The following RAB38 variants were observed in gnomAD, a reference collection of about 807,000 sequenced individuals.
RAB38 encodes the protein ras-related protein Rab-38.
In RAB38, 15 loss-of-function variants were observed where a neutral mutation model predicts 18.4. The ratio of observed to expected loss-of-function variants is 0.82; its 90% confidence interval spans 0.55 to 1.26. The LOEUF (loss-of-function observed/expected upper bound fraction) is 1.26. Ranked by LOEUF, RAB38 falls within the 50% of genes most tolerant of loss-of-function variation. The pLI is 0.00. For missense variants in RAB38, 294 were observed against 267.4 expected, an observed-to-expected ratio of 1.10 and a Z score of -0.69; for synonymous variants, 101 against 104.4, an observed-to-expected ratio of 0.97 and a Z score of 0.20.
the RAB38 span, among the ~76,000 whole-genome samples, chr11:87,876,426 C>T: frequency 6.6e-6 from 1 of 151,540 alleles, no homozygotes; most frequent in Non-Finnish European, 1.5e-5. Context: ...CTTTCTTTCT[C>T]CCCCAATAAA....
chr11:88,102,431 A>G, the RAB38 span, among the ~76,000 whole-genome samples: 1 of 152,004 alleles, frequency 6.6e-6, no homozygotes, highest in East Asian at 1.9e-4. Context: ...CCAAAGGAAT[A>G]TGGGCAATAC....
chr11:88,170,925 A>G (rs748767477), intron 1 of RAB38, among the ~76,000 whole-genome samples: 3 of 152,184 alleles, frequency 2.0e-5, no homozygotes, highest in Non-Finnish European at 4.4e-5. Flanking sequence ...AAGTAAGCTG[A>G]AGCTAAACAG....
chr11:87,976,855 T>G, the RAB38 span, among the ~76,000 whole-genome samples: 1,064 of 71,226 alleles, frequency 0.015, 111 homozygotes, highest in African/African-American at 0.032. Context: ...TGTTATATAA[T>G]GTATTATATA....
the RAB38 span, among the ~76,000 whole-genome samples, chr11:88,074,088 A>T: frequency 6.6e-6 from 1 of 152,038 alleles, no homozygotes; most frequent in African/African-American, 2.4e-5. Context: ...TTTAAGAGAG[A>T]GTTGAGCAAG....
chr11:87,951,019 A>G, the RAB38 span, among the ~76,000 whole-genome samples: 2 of 152,172 alleles, frequency 1.3e-5, no homozygotes, highest in African/African-American at 2.4e-5. Flanking sequence ...ACTTTCAGGT[A>G]CACCAATCAG....
intron 2 of RAB38, among the ~76,000 whole-genome samples, chr11:88,145,148 C>CT (rs879709121): frequency 1.0e-3 from 147 of 146,514 alleles, no homozygotes; most frequent in African/African-American, 2.0e-3. Context: ...ATTTATCTCT[C>CT]TTTTTTTTTT....
At chr11:88,030,580 A>G in the RAB38 span, among the ~76,000 whole-genome samples, 1 of 152,380 alleles carries the variant, frequency 6.6e-6, no homozygotes, top group East Asian at 1.9e-4. Context: ...ACAAACTACC[A>G]TCAGAGAATA....
intron 1 of RAB38, among the ~76,000 whole-genome samples, 153 bp from the exon 2 acceptor site, chr11:88,150,108 T>A (rs895499210): frequency 6.6e-6 from 1 of 152,254 alleles, no homozygotes; most frequent in African/African-American, 2.4e-5. Flanking sequence ...TATGCAATCA[T>A]GTAGCTTGTT....
At chr11:87,970,687 G>A in the RAB38 span, among the ~76,000 whole-genome samples, 1 of 152,086 alleles carries the variant, frequency 6.6e-6, no homozygotes, top group East Asian at 1.9e-4. Flanking sequence ...CAGGTAGTTG[G>A]AGAAGGGCGC....
At chr11:87,856,720 T>C in the RAB38 span, among the ~76,000 whole-genome samples, 1 of 152,150 alleles carries the variant, frequency 6.6e-6, no homozygotes, top group Admixed American at 6.5e-5. Flanking sequence ...TCTTCTTCTT[T>C]TTAATTTTAA....
At chr11:87,846,603 A>G in the RAB38 span, among the ~76,000 whole-genome samples, 2 of 152,092 alleles carry the variant, frequency 1.3e-5, no homozygotes, top group African/African-American at 4.8e-5. Flanking sequence ...TTTTTGTCAT[A>G]GGAGATTTCA....
At chr11:88,138,946 C>A (rs1188380211) in intron 2 of RAB38, among the ~76,000 whole-genome samples, 1 of 151,864 alleles carries the variant, frequency 6.6e-6, no homozygotes, top group Non-Finnish European at 1.5e-5. Flanking sequence ...CCACGCCTGG[C>A]TAATTTTTTT....
chr11:88,106,090 A>G, the RAB38 span, among the ~76,000 whole-genome samples: 3 of 152,150 alleles, frequency 2.0e-5, no homozygotes, highest in African/African-American at 7.2e-5. Flanking sequence ...GCCTCTTATT[A>G]ACCCACTCTC....
At chr11:88,037,557 T>G in the RAB38 span, among the ~76,000 whole-genome samples, 4 of 152,264 alleles carry the variant, frequency 2.6e-5, no homozygotes, top group Non-Finnish European at 4.4e-5. Flanking sequence ...ACAAAAACTC[T>G]TTTAGGCACA....
chr11:88,070,029 C>G, the RAB38 span, among the ~76,000 whole-genome samples: 10 of 152,276 alleles, frequency 6.6e-5, no homozygotes, highest in East Asian at 1.7e-3. Flanking sequence ...GCAGGCTGTC[C>G]GAGTCAGCAG....
the RAB38 span, among the ~76,000 whole-genome samples, chr11:87,813,534 CAT>C: frequency 1.1e-3 from 152 of 142,448 alleles, no homozygotes; most frequent in African/African-American, 3.7e-3. Context: ...CACACACACA[CAT>C]CTCTGTCAGA....
chr11:88,095,219 T>A, the RAB38 span, among the ~76,000 whole-genome samples: 1 of 151,964 alleles, frequency 6.6e-6, no homozygotes, highest in Non-Finnish European at 1.5e-5. Context: ...TCTGTATTTA[T>A]CTCAACACCA....
the RAB38 span, among the ~76,000 whole-genome samples, chr11:87,957,602 A>G: frequency 6.6e-6 from 1 of 152,178 alleles, no homozygotes; most frequent in Non-Finnish European, 1.5e-5. Flanking sequence ...TGGGCTCTCT[A>G]TGTGGCATTC....
chr11:87,888,332 T>C, the RAB38 span, among the ~76,000 whole-genome samples: 1 of 151,954 alleles, frequency 6.6e-6, no homozygotes, highest in Non-Finnish European at 1.5e-5. Flanking sequence ...AAAATGTGTC[T>C]TGGAATTGAT....
Sources: allele counts gnomAD v4.1 joint callset (sites outside exome capture counted in the v4.1 genomes callset), GRCh38; gene constraint gnomAD v4.1.1; transcripts MANE v1.5; gene names NCBI Gene and HGNC (gene_info 2026-07-23, HGNC 2026-07-21).